DOK7: variants seen among roughly 807,000 people sequenced by gnomAD.
DOK7 encodes the protein protein Dok-7.
DOK7 carries 32 observed loss-of-function variants against 30.7 expected under a neutral mutation model. That is an observed-to-expected ratio of 1.04 (90% CI 0.79 to 1.40). DOK7 has a LOEUF of 1.40. Ranked by LOEUF, DOK7 falls within the 40% of genes most tolerant of loss-of-function variation. The pLI is 0.00. For synonymous variants in DOK7, 447 were observed against 324.1 expected, an observed-to-expected ratio of 1.38 and a Z score of -4.07; for missense variants, 1,007 against 699.2, an observed-to-expected ratio of 1.44 and a Z score of -4.97.
chr4:3,488,801 GC>G (rs1727977588), intron 5 of DOK7, among the ~76,000 whole-genome samples: 1 of 146,378 alleles, frequency 6.8e-6, no homozygotes, highest in Non-Finnish European at 1.5e-5. Flanking sequence ...TGGCTTCCCT[GC>G]CAGGGAAACT....
chr4:3,473,878 G>A (rs1214594925), intron 3 of DOK7, among the ~76,000 whole-genome samples: 1 of 152,180 alleles, frequency 6.6e-6, no homozygotes, highest in Non-Finnish European at 1.5e-5. Flanking sequence ...GTTACAACTG[G>A]AGCCTTTAAC....
exon 7 of DOK7, chr4:3,500,262 C>T: frequency 6.5e-7 from 1 of 1,535,772 alleles, no homozygotes; most frequent in Non-Finnish European, 8.7e-7. Context: ...ATCCCCAGGA[C>T]CCGTGGCTGT....
chr4:3,482,825 G>A (rs1727514707), intron 4 of DOK7, among the ~76,000 whole-genome samples: 1 of 152,178 alleles, frequency 6.6e-6, no homozygotes, highest in Non-Finnish European at 1.5e-5. Flanking sequence ...GGTTATGGGC[G>A]CTTGGGTGGA....
At chr4:3,499,961 G>A (rs913453017) in intron 6 of DOK7, among the ~76,000 whole-genome samples, 8 of 151,712 alleles carry the variant, frequency 5.3e-5, no homozygotes, top group South Asian at 2.1e-4. Context: ...GGGGGCCCAT[G>A]GGGGGGTCGG....
downstream of DOK7, among the ~76,000 whole-genome samples, chr4:3,499,097 C>T (rs905173847): frequency 5.9e-5 from 9 of 152,188 alleles, no homozygotes; most frequent in East Asian, 1.9e-4. Flanking sequence ...CGGCAGGTGC[C>T]GGGCAGCGGG....
At position 3,494,293 on chromosome 4, in the gene DOK7, TGC is replaced by T. The variant is rs1728765204; in HGVS notation, c.*794_*795del. ...TTCCCCTGGCCCAGGCCTCAGCCCC[TGC>T]GTCGGAGGTGGGGCTGTGTTGGGCC... On this transcript the variant is annotated 3_prime_UTR_variant, in exon 7 of 7. Coordinates refer to ENST00000340083, the MANE Select transcript of DOK7 (RefSeq NM_173660.5). 7 of 985,612 alleles carry T rather than the reference TGC, an allele frequency of 7.1e-6. No homozygotes were observed. The highest frequency in any genetic ancestry group is 8.4e-6 in the Non-Finnish European group (7 of 830,072). The allele number at this position is 985,612 out of a possible 1,614,324, so 61.1% of individuals were successfully genotyped here. A position where few individuals can be genotyped will look rare whatever the true frequency, so the allele number is the denominator to read the frequency against.
chr4:3,490,625 C>CCTCTGCTCCCCCCTGCTCGTTCATTCCTT (rs1560227530), intron 6 of DOK7, among the ~76,000 whole-genome samples: 1 of 85,828 alleles, frequency 1.2e-5, no homozygotes, highest in Non-Finnish European at 2.5e-5. Flanking sequence ...TTCATTCCTT[C>CCTCTGCTCCCCCCTGCTCGTTCATTCCTT]CCTCTCCGCC....
chr4:3,497,158 A>T, downstream of DOK7, among the ~76,000 whole-genome samples: 1 of 151,684 alleles, frequency 6.6e-6, no homozygotes, highest in Non-Finnish European at 1.5e-5. Context: ...CTGCTGGAGG[A>T]TGGACTGAAG....
intron 4 of DOK7, among the ~76,000 whole-genome samples, chr4:3,478,781 G>A (rs949215255): frequency 2.6e-5 from 4 of 152,166 alleles, no homozygotes; most frequent in African/African-American, 7.2e-5. Context: ...GTCCCCAGCA[G>A]GCCCTGCTGG....
At chr4:3,475,676 C>T (rs1403081763) in intron 3 of DOK7, among the ~76,000 whole-genome samples, 1 of 152,154 alleles carries the variant, frequency 6.6e-6, no homozygotes, top group Non-Finnish European at 1.5e-5. Flanking sequence ...GGCCTCGATA[C>T]AGACTCCAGA....
intron 2 of DOK7, among the ~76,000 whole-genome samples, chr4:3,465,705 C>T (rs940465290): frequency 6.6e-6 from 1 of 152,254 alleles, no homozygotes; most frequent in African/African-American, 2.4e-5. Flanking sequence ...GGCCAGTGGA[C>T]GTCGGGCCGT....
chr4:3,464,583 G>C (rs951956429), intron 2 of DOK7, among the ~76,000 whole-genome samples: 1 of 152,202 alleles, frequency 6.6e-6, no homozygotes, highest in African/African-American at 2.4e-5. Flanking sequence ...GCCCTGCCAG[G>C]CTGGGGCGGA....
intron 2 of DOK7, 144 bp downstream of exon 2, chr4:3,463,695 C>A: frequency 1.8e-6 from 2 of 1,101,172 alleles, no homozygotes; most frequent in Non-Finnish European, 2.6e-6. Context: ...ACCCGGACCC[C>A]CCGGCGCCCC....
downstream of DOK7, among the ~76,000 whole-genome samples, chr4:3,498,364 G>T (rs374799012): frequency 2.2e-3 from 336 of 152,172 alleles, 1 homozygote; most frequent in African/African-American, 7.4e-3. Flanking sequence ...TCCGGGTGGT[G>T]TTGGGAACAT....
At chr4:3,484,033 T>C (rs736993) in intron 4 of DOK7, among the ~76,000 whole-genome samples, 92,322 of 152,114 alleles carry the variant, frequency 0.61, 28,574 homozygotes, top group East Asian at 0.92. Context: ...TCACCCACAG[T>C]AGGACTGGAA....
intron 4 of DOK7, among the ~76,000 whole-genome samples, chr4:3,482,905 G>C (rs6847491): frequency 0.044 from 6,746 of 152,242 alleles, 449 homozygotes; most frequent in African/African-American, 0.15. Flanking sequence ...GACGGCAGCA[G>C]GTGGGGCTGA....
rs192007810 is a variant in DOK7 at position 3,485,384 on chromosome 4, G to A, written c.533-155G>A. The A allele has an allele frequency of 0.018, 18,108 of 1,020,596 alleles. 220 individuals carry two copies. Among genetic ancestry groups the A allele is most frequent in the South Asian group, 0.041 (1,736 of 42,122 alleles). The allele number at this position is 1,020,596 out of a possible 1,614,324, so 63.2% of individuals were successfully genotyped here. On this transcript the variant is annotated intron_variant, in intron 4 of 6. Transcript: ENST00000340083. ...GGCACCCGGATTCACGGGGCCAGGCGGGGTGTCGGCTCTGGGCATCTGACT... is the reference window on the plus strand; with the variant it reads ...GGCACCCGGATTCACGGGGCCAGGCAGGGTGTCGGCTCTGGGCATCTGACT...
chr4:3,484,475 A>C (rs891935351), intron 4 of DOK7: 1 of 984,446 alleles, frequency 1.0e-6, no homozygotes, highest in Non-Finnish European at 1.2e-6. Flanking sequence ...GAGGCCCCGG[A>C]GCGGGCGGGA....
intron 6 of DOK7, among the ~76,000 whole-genome samples, chr4:3,491,190 TGCTCATTCCTTC>T (rs1728389932): frequency 1.1e-4 from 1 of 9,488 alleles, no homozygotes; most frequent in Non-Finnish European, 2.2e-4. Context: ...CCTTCCCCCC[TGCTCATTCCTTC>T]CCCCCTGCTC....
Sources: allele counts gnomAD v4.1 joint callset (sites outside exome capture counted in the v4.1 genomes callset), GRCh38; gene constraint gnomAD v4.1.1; transcripts MANE v1.5; gene names NCBI Gene and HGNC (gene_info 2026-07-23, HGNC 2026-07-21).